The following ZNF514 variants were observed in gnomAD, a reference collection of about 807,000 sequenced individuals.
ZNF514 encodes zinc finger protein 514.
A neutral mutation model predicts 9.7 loss-of-function variants in ZNF514; 12 were observed. That is an observed-to-expected ratio of 1.24 (90% confidence interval 0.79 to 2.01). ZNF514 has a LOEUF of 2.01. Ranked by LOEUF, ZNF514 falls within the 30% of genes most tolerant of loss-of-function variation. The pLI is 0.00. For synonymous variants in ZNF514, 158 were observed against 163.7 expected (o/e 0.97, Z 0.27); for missense variants, 467 against 465.5 (o/e 1.00, Z -0.03).
rs778659197 is a variant in ZNF514 at position 95,152,768 on chromosome 2, G to T, written c.123C>A (p.Gly41=). The change falls in exon 4 of 5, where the codon GGC becomes GGA. Residue 41 remains glycine, a splice_region_variant and synonymous_variant. Coordinates refer to ENST00000295208, the MANE Select transcript of ZNF514 (RefSeq NM_032788.3). ...TCACATATGGTTTGGATACTAGAAG[G>T]CCTGATGGTAGAGAAGGAAAAGGAT... ...LENFRNLAIL[G]LLVSKPYVIC... The T allele has an allele frequency of 2.0e-5, 32 of 1,613,764 alleles. No individual in the cohort carries two copies. The highest frequency in any genetic ancestry group is 2.6e-5 in the Non-Finnish European group (31 of 1,179,810).
Position 95,147,994 on chromosome 2 carries a change from A to G in ZNF514, c.*1288T>C, listed in dbSNP as rs1330296453. On this transcript the variant is annotated 3_prime_UTR_variant, in exon 5 of 5. Coordinates refer to ENST00000295208, the MANE Select transcript of ZNF514 (RefSeq NM_032788.3). ...TTTCATTTCATTTCAAAAATTCCAAATCTATTAGCATAAAGATGTAACAAA... is the reference window on the plus strand; with the variant it reads ...TTTCATTTCATTTCAAAAATTCCAAGTCTATTAGCATAAAGATGTAACAAA... The G allele has an allele frequency of 1.3e-5, 2 of 152,226 alleles. No homozygotes were observed. The highest frequency in any genetic ancestry group is 3.8e-4 in the East Asian group (2 of 5,198). The allele number at this position is 152,226 out of a possible 1,614,324, so 9.4% of individuals were successfully genotyped here. A position where few individuals can be genotyped will look rare whatever the true frequency, so the allele number is the denominator to read the frequency against.
At chr2:95,131,855 G>T in the ZNF514 span, among the ~76,000 whole-genome samples, 3 of 152,078 alleles carry the variant, frequency 2.0e-5, no homozygotes, top group South Asian at 4.1e-4. Flanking sequence ...TTAAGAGAAT[G>T]AAATGGGCCA....
At chr2:95,127,117 CT>C in the ZNF514 span, among the ~76,000 whole-genome samples, 1 of 152,186 alleles carries the variant, frequency 6.6e-6, no homozygotes, top group African/African-American at 2.4e-5. Flanking sequence ...CATAGTCACC[CT>C]GGTAAATGGC....
the ZNF514 span, among the ~76,000 whole-genome samples, chr2:95,139,839 T>C: frequency 2.0e-5 from 3 of 152,116 alleles, no homozygotes; most frequent in African/African-American, 7.2e-5. Context: ...GTAATACCAA[T>C]GTTGAGGGTG....
At chr2:95,158,710 G>T in intron 1 of ZNF514, 1 of 853,784 alleles carries the variant, frequency 1.2e-6, no homozygotes, top group Non-Finnish European at 1.6e-6. Flanking sequence ...CTCTCCTCTG[G>T]CCATTGGGAC....
chr2:95,156,819 T>C (rs1673698757), intron 2 of ZNF514, among the ~76,000 whole-genome samples: 1 of 152,152 alleles, frequency 6.6e-6, no homozygotes, highest in Admixed American at 6.5e-5. Context: ...CCTCCTCCCT[T>C]ATCCAGGGAG....
chr2:95,130,045 T>C, the ZNF514 span, among the ~76,000 whole-genome samples: 1 of 152,072 alleles, frequency 6.6e-6, no homozygotes, highest in East Asian at 1.9e-4. Flanking sequence ...GATAATCACG[T>C]AGGTTCTTTT....
chr2:95,151,246 G>A (rs1488331269), intron 4 of ZNF514, among the ~76,000 whole-genome samples: 1 of 152,312 alleles, frequency 6.6e-6, no homozygotes, highest in Admixed American at 6.5e-5. Flanking sequence ...CTAATCATGA[G>A]TGCTTAAAAT....
At position 95,145,310 on chromosome 2, in the gene ZNF514, T is replaced by C. The variant is rs1371189247; in HGVS notation, c.*3972A>G. 6.6e-6 allele frequency among the ~76,000 whole-genome samples: 1 copy of C among 152,166 alleles called. No homozygotes were observed. The highest frequency in any genetic ancestry group is 1.5e-5 in the Non-Finnish European group (1 of 68,038). ...TCCTCTCTTTGGAATTCAGGCACAGTGGACCAGCATTAACATTAAAACAGA... is the reference window on the plus strand; with the variant it reads ...TCCTCTCTTTGGAATTCAGGCACAGCGGACCAGCATTAACATTAAAACAGA... On this transcript the variant is annotated 3_prime_UTR_variant, in exon 5 of 5. Transcript: ENST00000295208.
chr2:95,137,758 T>A, the ZNF514 span, among the ~76,000 whole-genome samples: 1 of 152,220 alleles, frequency 6.6e-6, no homozygotes, highest in Non-Finnish European at 1.5e-5. Flanking sequence ...ACATCCAAAC[T>A]TTTATAGCAA....
the ZNF514 span, among the ~76,000 whole-genome samples, chr2:95,125,783 C>T: frequency 0.78 from 119,332 of 152,180 alleles, 47,057 homozygotes; most frequent in African/African-American, 0.84. Flanking sequence ...TAGCGTGTGC[C>T]AGAATGTCCT....
the ZNF514 span, among the ~76,000 whole-genome samples, chr2:95,138,229 T>C: frequency 6.6e-6 from 1 of 152,170 alleles, no homozygotes; most frequent in Non-Finnish European, 1.5e-5. Context: ...GCTATAAAGA[T>C]AACTGAAAAT....
chr2:95,128,424 G>A, the ZNF514 span, among the ~76,000 whole-genome samples: 1 of 151,668 alleles, frequency 6.6e-6, no homozygotes, highest in Admixed American at 6.6e-5. Context: ...GGGCATGGTG[G>A]TGTGTCCCTG....
In ZNF514 at chr2:95,153,148, T is replaced by G; in HGVS notation, c.106A>C (p.Asn36His). 1.2e-6 allele frequency: 2 copies of G among 1,613,060 alleles called. No homozygotes were observed. The highest frequency in any genetic ancestry group is 8.5e-7 in the Non-Finnish European group (1 of 1,179,160). ...TTGTGCTCACCCAGAATGGCCAAGTTCCTGAAGTTCTCCAGCATCACCTCC... is the reference window on the plus strand; with the variant it reads ...TTGTGCTCACCCAGAATGGCCAAGTGCCTGAAGTTCTCCAGCATCACCTCC... Reference protein sequence around the residue: ...YREVMLENFRNLAILGLLVSK... With the variant: ...YREVMLENFRHLAILGLLVSK... The change falls in exon 3 of 5, where the codon AAC becomes CAC. Residue 36 changes from asparagine to histidine, a missense_variant. Asn to His is a moderately conservative substitution (Grantham distance 68). Transcript: ENST00000295208.
intron 1 of ZNF514, among the ~76,000 whole-genome samples, chr2:95,157,798 T>C (rs1287711359): frequency 1.3e-5 from 2 of 152,182 alleles, no homozygotes; most frequent in Non-Finnish European, 2.9e-5. Context: ...ACTTTAAATC[T>C]AGCCTACAGG....
At chr2:95,157,326 A>T in intron 2 of ZNF514, 25 bp downstream of exon 2, 1 of 1,277,670 alleles carries the variant, frequency 7.8e-7, no homozygotes, top group African/African-American at 1.5e-5. Context: ...CAGGCATTTG[A>T]GGAAAAATTA....
In ZNF514 at chr2:95,148,355, T is replaced by C. The variant is rs1223499802; in HGVS notation, c.*927A>G. The C allele has an allele frequency of 1.3e-5, 2 of 152,254 alleles. No homozygotes were observed. Among genetic ancestry groups the C allele is most frequent in the African/African-American group, 2.4e-5 (1 of 41,460 alleles). 9.4% of individuals were successfully genotyped at this position (152,254 alleles called of 1,614,324 possible). A position where few individuals can be genotyped will look rare whatever the true frequency, so the allele number is the denominator to read the frequency against. On this transcript the variant is annotated 3_prime_UTR_variant, in exon 5 of 5. Coordinates refer to ENST00000295208, the MANE Select transcript of ZNF514 (RefSeq NM_032788.3). ...AGGAGGCAATGCACAAGTGTCGTTA[T>C]ACAAATGGCCCCACCAGGCAGAAAA... is the stretch of plus-strand genomic sequence containing the variant.
intron 2 of ZNF514, chr2:95,154,674 G>A (rs1485805677): frequency 6.6e-6 from 1 of 152,224 alleles, no homozygotes; most frequent in Non-Finnish European, 1.5e-5. Flanking sequence ...TCAAGAGTTT[G>A]TGGTTTGCAA....
the ZNF514 span, among the ~76,000 whole-genome samples, chr2:95,133,650 C>T: frequency 6.6e-6 from 1 of 152,096 alleles, no homozygotes; most frequent in Non-Finnish European, 1.5e-5. Context: ...TTTTTCTTGT[C>T]ATTATTTCCT....
Sources: gnomAD v4.1 joint callset for allele counts (sites outside exome capture counted in the v4.1 genomes callset) on GRCh38, gnomAD v4.1.1 for gene constraint, MANE v1.5 for transcripts, NCBI Gene and HGNC (gene_info 2026-07-23, HGNC 2026-07-21) for gene names.